Variants in ZC3H8 observed in about 807,000 individuals in gnomAD.
The protein encoded by ZC3H8 is zinc finger CCCH domain-containing protein 8.
In ZC3H8, 27 loss-of-function variants were observed where a neutral mutation model predicts 42.5. The observed-to-expected ratio is 0.64, with a 90% CI of 0.47 to 0.88. The LOEUF is 0.88. Ranked by LOEUF, ZC3H8 falls within the 40% of genes least tolerant of loss-of-function variation. The probability of loss-of-function intolerance (pLI) is 0.00; values close to 1 mark genes in which losing one functional copy is unlikely to be tolerated. For missense variants in ZC3H8, 277 were observed against 336.1 expected (o/e 0.82, Z 1.37); for synonymous variants, 101 against 110.1 (o/e 0.92, Z 0.52).
intron 2 of ZC3H8, among the ~76,000 whole-genome samples, chr2:112,238,911 G>C (rs545272531): frequency 3.3e-5 from 5 of 152,182 alleles, no homozygotes; most frequent in Non-Finnish European, 7.3e-5. Context: ...TGCATTGACA[G>C]TACTTTTAAA....
At chr2:112,254,783 T>TGCTCCCCACGGGCCCTCGC (rs1686067723) in intron 1 of ZC3H8, 125 bp downstream of exon 1, 1 of 1,146,202 alleles carries the variant, frequency 8.7e-7, no homozygotes, top group African/African-American at 1.6e-5. Flanking sequence ...CCGGCCCACG[T>TGCTCCCCACGGGCCCTCGC]GCTCCCCACG....
chr2:112,216,683 C>CAAAAAAAAAAAAAAAAAAAAAAAAGA (rs71385865), intron 8 of ZC3H8, among the ~76,000 whole-genome samples: 1 of 121,032 alleles, frequency 8.3e-6, no homozygotes, highest in Non-Finnish European at 1.8e-5. Flanking sequence ...AGAACTGAAG[C>CAAAAAAAAAAAAAAAAAAAAAAAAGA]AAAAAAAAAA....
chr2:112,223,798 G>A (rs1394258362), intron 8 of ZC3H8, among the ~76,000 whole-genome samples: 3 of 152,096 alleles, frequency 2.0e-5, no homozygotes, highest in African/African-American at 4.8e-5. Flanking sequence ...ATGTAACTAC[G>A]AAACTGCAGA....
Position 112,213,219 on chromosome 2 carries a change from C to A in ZC3H8, c.*3265G>T. ...TCCTGAACTCAAGTGATCCTCCTGC[C>A]TTGGCCTCCCAAAGTGCCGAGATTC... On this transcript the variant is annotated 3_prime_UTR_variant, in exon 9 of 9. Transcript: ENST00000409573. 6.6e-6 allele frequency: 1 copy of A among 152,292 alleles called. No homozygotes were observed. 9.4% of individuals were successfully genotyped at this position (152,292 alleles called of 1,614,324 possible). A position where few individuals can be genotyped will look rare whatever the true frequency, so the allele number is the denominator to read the frequency against.
rs564031243 is a variant in ZC3H8 at position 112,217,902 on chromosome 2, G to A, written c.*16-1434C>T. 3.7e-4 allele frequency among the ~76,000 whole-genome samples: 56 copies of A among 152,218 alleles called. No individual in the cohort carries two copies. The South Asian group carries it at 0.011, about 30-fold the overall frequency. On this transcript the variant is annotated intron_variant, in intron 8 of 8. Transcript: ENST00000409573. ...TGTTTCTTTGTTTGGGTTTGTGTTT[G>A]TATGTGTGTCTGGTTTCTTGTGTTT...
chr2:112,221,016 G>C (rs887307403), intron 8 of ZC3H8, among the ~76,000 whole-genome samples: 1 of 152,144 alleles, frequency 6.6e-6, no homozygotes, highest in Non-Finnish European at 1.5e-5. Flanking sequence ...CAAGGTTGGG[G>C]AAATTTTCAT....
intron 6 of ZC3H8, among the ~76,000 whole-genome samples, chr2:112,232,760 A>G (rs1685152596): frequency 6.6e-6 from 1 of 152,202 alleles, no homozygotes; most frequent in South Asian, 2.1e-4. Context: ...TTTTGTGATG[A>G]CTAAAGGTGC....
chr2:112,241,340 C>T (rs1382013969), intron 2 of ZC3H8, among the ~76,000 whole-genome samples: 1 of 152,136 alleles, frequency 6.6e-6, no homozygotes, highest in Non-Finnish European at 1.5e-5. Context: ...CATGGAGGTA[C>T]TAAATCTTCC....
intron 2 of ZC3H8, chr2:112,249,979 AG>A: frequency 2.7e-6 from 1 of 375,658 alleles, no homozygotes; most frequent in Non-Finnish European, 4.7e-6. Context: ...ATGACAATAA[AG>A]TTATTAAATA....
At chr2:112,236,085 G>A (rs987485144) in intron 4 of ZC3H8, among the ~76,000 whole-genome samples, 8 of 151,978 alleles carry the variant, frequency 5.3e-5, no homozygotes, top group Non-Finnish European at 1.0e-4. Context: ...CCAACATGGC[G>A]AAACCCTGTC....
chr2:112,227,962 G>C (rs1684919188), intron 8 of ZC3H8, among the ~76,000 whole-genome samples: 1 of 151,722 alleles, frequency 6.6e-6, no homozygotes, highest in Admixed American at 6.6e-5. Flanking sequence ...ATATGGAAAA[G>C]CAAAAGATCC....
chr2:112,238,184 G>T, intron 3 of ZC3H8, 131 bp downstream of exon 3: 1 of 939,758 alleles, frequency 1.1e-6, no homozygotes, highest in Non-Finnish European at 1.6e-6. Context: ...GCTCATGTCT[G>T]GTATAAATAT....
At chr2:112,241,834 T>G (rs1685596985) in intron 2 of ZC3H8, among the ~76,000 whole-genome samples, 1 of 152,264 alleles carries the variant, frequency 6.6e-6, no homozygotes, top group Admixed American at 6.5e-5. Flanking sequence ...TTTAATATTT[T>G]GATAAACTGT....
intron 2 of ZC3H8, among the ~76,000 whole-genome samples, chr2:112,248,341 GAAAGAA>G (rs372885123): frequency 0.011 from 1,395 of 132,520 alleles, 21 homozygotes; most frequent in African/African-American, 0.037. Context: ...AGAAAGAAAA[GAAAGAA>G]AAAGAAAAAG....
chr2:112,223,762 G>C lies in ZC3H8; in HGVS notation c.*15+7141C>G, dbSNP rs530921857. Among the ~76,000 whole-genome samples the C allele has an allele frequency of 3.7e-4, 56 of 152,260 alleles. No individual in the cohort carries two copies. The South Asian group carries it at 0.011, about 30-fold the overall frequency. On this transcript the variant is annotated intron_variant, in intron 8 of 8. Coordinates refer to ENST00000409573, the MANE Select transcript of ZC3H8 (RefSeq NM_032494.3). ...TTAGTATAAAATAGAATTAAAGAAA[G>C]CAAAGTTGGTTCTTTCTAGAGAATA...
In ZC3H8 at chr2:112,230,899, T is replaced by G; in HGVS notation, c.*15+4A>C. 7.7e-7 allele frequency: 1 copy of G among 1,297,628 alleles called. No homozygotes were observed. Among genetic ancestry groups the G allele is most frequent in the Non-Finnish European group, 1.0e-6 (1 of 992,000 alleles). The allele number at this position is 1,297,628 out of a possible 1,614,324, so 80.4% of individuals were successfully genotyped here. A position where few individuals can be genotyped will look rare whatever the true frequency, so the allele number is the denominator to read the frequency against. On this transcript the variant is annotated splice_donor_region_variant and intron_variant, in intron 8 of 8. Coordinates refer to ENST00000409573, the MANE Select transcript of ZC3H8 (RefSeq NM_032494.3). Reference sequence around the variant, plus strand: ...AAAAGAAATGTGGTAAATTCTAATTTTACCTTTTTATGTCTATTTTATTTA... The same window carrying G: ...AAAAGAAATGTGGTAAATTCTAATTGTACCTTTTTATGTCTATTTTATTTA...
chr2:112,223,498 T>A (rs1684686066), intron 8 of ZC3H8, among the ~76,000 whole-genome samples: 2 of 152,306 alleles, frequency 1.3e-5, no homozygotes, highest in South Asian at 4.1e-4. Context: ...CTGCTGTTTT[T>A]CCATGATAAT....
At chr2:112,249,231 T>C (rs941916256) in intron 2 of ZC3H8, among the ~76,000 whole-genome samples, 5 of 152,086 alleles carry the variant, frequency 3.3e-5, no homozygotes, top group African/African-American at 1.2e-4. Context: ...GACACAGGCA[T>C]ACAGGGAGAA....
In ZC3H8 at chr2:112,212,806, C is replaced by G. The variant is rs1308244531; in HGVS notation, c.*3678G>C. On this transcript the variant is annotated 3_prime_UTR_variant, in exon 9 of 9. Transcript: ENST00000409573. ...AGATTTAAAATGCATAGACACAATCCTAGCATTCAGCAGGTGCTCAACCTG... is the reference window on the plus strand; with the variant it reads ...AGATTTAAAATGCATAGACACAATCGTAGCATTCAGCAGGTGCTCAACCTG... 6.6e-6 allele frequency: 1 copy of G among 151,968 alleles called. No homozygotes were observed. The highest frequency in any genetic ancestry group is 1.5e-5 in the Non-Finnish European group (1 of 67,972). 9.4% of individuals were successfully genotyped at this position (151,968 alleles called of 1,614,324 possible). A position where few individuals can be genotyped will look rare whatever the true frequency, so the allele number is the denominator to read the frequency against.
Sources: gnomAD v4.1 joint callset for allele counts (sites outside exome capture counted in the v4.1 genomes callset) on GRCh38, gnomAD v4.1.1 for gene constraint, MANE v1.5 for transcripts, NCBI Gene and HGNC (gene_info 2026-07-23, HGNC 2026-07-21) for gene names.